HEMK2: variants seen among roughly 807,000 people sequenced by gnomAD.
HEMK2 encodes HemK methyltransferase 2, ETF1 glutamine and histone H4 lysine.
At chr21:28,698,267 T>C in the HEMK2 span, among the ~76,000 whole-genome samples, 1 of 152,214 alleles carries the variant, frequency 6.6e-6, no homozygotes, top group South Asian at 2.1e-4. Flanking sequence ...TTACTAGCTG[T>C]GTGCTGTTAG....
At chr21:28,789,890 T>A in the HEMK2 span, among the ~76,000 whole-genome samples, 19 of 152,264 alleles carry the variant, frequency 1.2e-4, no homozygotes, top group East Asian at 3.5e-3. Context: ...ACTCACTCAC[T>A]CACTCATAGA....
the HEMK2 span, among the ~76,000 whole-genome samples, chr21:28,587,744 T>C: frequency 6.6e-6 from 1 of 152,200 alleles, no homozygotes; most frequent in Admixed American, 6.5e-5. Context: ...ACTTACTATA[T>C]AATGAAGATT....
chr21:28,786,683 A>AT, the HEMK2 span, among the ~76,000 whole-genome samples: 1 of 150,504 alleles, frequency 6.6e-6, no homozygotes, highest in Non-Finnish European at 1.5e-5. Flanking sequence ...AAAAAAAAAA[A>AT]GGAATTCTAA....
the HEMK2 span, among the ~76,000 whole-genome samples, chr21:28,654,037 G>A: frequency 6.6e-6 from 1 of 152,126 alleles, no homozygotes; most frequent in African/African-American, 2.4e-5. Flanking sequence ...AATGGTATTT[G>A]AAAGTCACTA....
At chr21:28,850,883 G>A in the HEMK2 span, among the ~76,000 whole-genome samples, 4 of 152,186 alleles carry the variant, frequency 2.6e-5, no homozygotes, top group Admixed American at 2.6e-4. Context: ...ATCAGTGCAG[G>A]CTGGGGAAGA....
the HEMK2 span, among the ~76,000 whole-genome samples, chr21:28,728,501 CT>C: frequency 0.48 from 72,228 of 151,940 alleles, 19,147 homozygotes; most frequent in East Asian, 0.8. Flanking sequence ...TGGAAGAACT[CT>C]TAAGTATGTC....
chr21:28,580,585 C>T, the HEMK2 span, among the ~76,000 whole-genome samples: 3 of 150,438 alleles, frequency 2.0e-5, no homozygotes, highest in African/African-American at 7.3e-5. Context: ...AAAAAGACGA[C>T]GAAGAAGACA....
the HEMK2 span, among the ~76,000 whole-genome samples, chr21:28,578,515 GC>G: frequency 6.6e-6 from 1 of 152,314 alleles, no homozygotes; most frequent in African/African-American, 2.4e-5. Flanking sequence ...CAGGGCCACA[GC>G]GGGGTTTCAC....
chr21:28,612,485 G>A, the HEMK2 span, among the ~76,000 whole-genome samples: 49 of 152,256 alleles, frequency 3.2e-4, no homozygotes, highest in African/African-American at 1.1e-3. Context: ...TACACTGAAT[G>A]GGAAAAAGTT....
At chr21:28,878,074 T>C in the HEMK2 span, 2 of 861,814 alleles carry the variant, frequency 2.3e-6, no homozygotes, top group Non-Finnish European at 3.4e-6. Flanking sequence ...TGTCAGTGAT[T>C]AACTGTTTTA....
the HEMK2 span, among the ~76,000 whole-genome samples, chr21:28,647,321 T>TAAAAAAAAAAAAAAAA: frequency 2.2e-5 from 1 of 46,422 alleles, no homozygotes; most frequent in Non-Finnish European, 3.8e-5. Flanking sequence ...CCATCTCTAC[T>TAAAAAAAAAAAAAAAA]AAAAAAAAAA....
chr21:28,717,242 C>G, the HEMK2 span, among the ~76,000 whole-genome samples: 2 of 151,914 alleles, frequency 1.3e-5, no homozygotes, highest in Non-Finnish European at 2.9e-5. Flanking sequence ...TCCATCAGGT[C>G]GAGGGTTTTT....
chr21:28,835,525 A>G, the HEMK2 span, among the ~76,000 whole-genome samples: 1 of 152,136 alleles, frequency 6.6e-6, no homozygotes, highest in African/African-American at 2.4e-5. Flanking sequence ...GACAGAGCCT[A>G]CCCAAATGAG....
the HEMK2 span, among the ~76,000 whole-genome samples, chr21:28,788,709 A>C: frequency 0.14 from 21,407 of 151,042 alleles, 2,797 homozygotes; most frequent in African/African-American, 0.34. Flanking sequence ...GTACTCCAAA[A>C]AAAAAAAAAA....
the HEMK2 span, chr21:28,875,654 G>A: frequency 6.6e-6 from 1 of 152,164 alleles, no homozygotes; most frequent in Non-Finnish European, 1.5e-5. Flanking sequence ...TAATGAAATT[G>A]GAAAATGTTG....
the HEMK2 span, among the ~76,000 whole-genome samples, chr21:28,865,340 A>G: frequency 1.3e-5 from 2 of 151,912 alleles, no homozygotes; most frequent in African/African-American, 2.4e-5. Context: ...TAATTTTTGT[A>G]TTTTTAGTAG....
the HEMK2 span, among the ~76,000 whole-genome samples, chr21:28,856,916 G>A: frequency 4.6e-5 from 7 of 152,190 alleles, no homozygotes; most frequent in Non-Finnish European, 1.0e-4. Flanking sequence ...CTCCAGCCCC[G>A]GGAATTCCAG....
the HEMK2 span, among the ~76,000 whole-genome samples, chr21:28,613,619 CTTTTTTTTTTTTTTTTT>C: frequency 1.2e-5 from 1 of 82,700 alleles, no homozygotes; most frequent in Non-Finnish European, 2.1e-5. Context: ...TCTGCATATT[CTTTTTTTTTTTTTTTTT>C]TTTTTTTTTT....
At chr21:28,727,016 G>A in the HEMK2 span, among the ~76,000 whole-genome samples, 6 of 152,078 alleles carry the variant, frequency 3.9e-5, no homozygotes, top group Admixed American at 3.9e-4. Context: ...AGTTCACAGG[G>A]TCCCTTTGCT....
Sources: allele counts gnomAD v4.1 joint callset (sites outside exome capture counted in the v4.1 genomes callset), GRCh38; gene constraint gnomAD v4.1.1; transcripts MANE v1.5; gene names NCBI Gene and HGNC (gene_info 2026-07-23, HGNC 2026-07-21).